Variants in NCALD observed in about 807,000 individuals in gnomAD.
NCALD encodes neurocalcin-delta.
In NCALD, 10 loss-of-function variants were observed where a neutral mutation model predicts 18.6. That is an observed-to-expected ratio of 0.54 (90% CI 0.33 to 0.91). The LOEUF (loss-of-function observed/expected upper bound fraction) is 0.91. Among genes scored for constraint, NCALD ranks in the 40% least tolerant of loss-of-function variants. NCALD has a pLI of 0.03. For missense variants in NCALD, 184 were observed against 247.6 expected (o/e 0.74, Z 1.72); for synonymous variants, 88 against 87.4 (o/e 1.01, Z -0.04).
chr8:101,902,185 A>C (rs990052533), intron 3 of NCALD, among the ~76,000 whole-genome samples: 1 of 151,664 alleles, frequency 6.6e-6, no homozygotes, highest in African/African-American at 2.4e-5. Flanking sequence ...ATCTATTGCT[A>C]AGATAGGGTA....
chr8:101,935,392 A>G (rs940215853), intron 2 of NCALD, among the ~76,000 whole-genome samples: 1 of 152,228 alleles, frequency 6.6e-6, no homozygotes, highest in African/African-American at 2.4e-5. Flanking sequence ...TTTAAGTAAG[A>G]TGTTAAAATA....
At chr8:101,823,800 C>A (rs1260369906) in intron 4 of NCALD, among the ~76,000 whole-genome samples, 1 of 152,180 alleles carries the variant, frequency 6.6e-6, no homozygotes, top group East Asian at 1.9e-4. Flanking sequence ...GACAACCACC[C>A]AGTGGCAGCA....
intron 1 of NCALD, among the ~76,000 whole-genome samples, chr8:101,745,365 A>T (rs1810385485): frequency 6.6e-6 from 1 of 152,092 alleles, no homozygotes; most frequent in Non-Finnish European, 1.5e-5. Context: ...AATGACTGAG[A>T]TGTAGGGGGA....
At chr8:102,070,430 T>C (rs529350339) in intron 1 of NCALD, among the ~76,000 whole-genome samples, 2 of 152,254 alleles carry the variant, frequency 1.3e-5, no homozygotes, top group Non-Finnish European at 2.9e-5. Flanking sequence ...TCTGTCACTT[T>C]CATTTTTTTC....
chr8:101,795,012 T>C (rs1200065426), upstream of NCALD, among the ~76,000 whole-genome samples: 6 of 152,162 alleles, frequency 3.9e-5, no homozygotes, highest in Non-Finnish European at 5.9e-5. Flanking sequence ...GAAAATAATC[T>C]AGTCAGAAAA....
chr8:101,813,412 T>C (rs984433983), intron 4 of NCALD, among the ~76,000 whole-genome samples: 1 of 152,088 alleles, frequency 6.6e-6, no homozygotes, highest in African/African-American at 2.4e-5. Flanking sequence ...TGGGCAAACA[T>C]GGGACAGCTT....
intron 4 of NCALD, among the ~76,000 whole-genome samples, chr8:101,866,158 T>C (rs1482130854): frequency 6.6e-6 from 1 of 152,220 alleles, no homozygotes; most frequent in Admixed American, 6.5e-5. Flanking sequence ...CTAAAGCCAA[T>C]GGTCAATTCT....
chr8:101,705,051 A>ATGTTGG (rs1815446178), intron 2 of NCALD, among the ~76,000 whole-genome samples: 1 of 150,930 alleles, frequency 6.6e-6, no homozygotes, highest in African/African-American at 2.4e-5. Context: ...ACATGATGAA[A>ATGTTGG]CCCCGTCTCA....
intron 1 of NCALD, among the ~76,000 whole-genome samples, chr8:101,787,758 A>T (rs1052660030): frequency 2.0e-5 from 3 of 152,202 alleles, no homozygotes; most frequent in Non-Finnish European, 2.9e-5. Flanking sequence ...AACATGCCTC[A>T]TCCTAGAGAC....
intron 1 of NCALD, among the ~76,000 whole-genome samples, chr8:102,057,011 C>A (rs1273176885): frequency 1.3e-5 from 2 of 152,138 alleles, no homozygotes; most frequent in Non-Finnish European, 2.9e-5. Context: ...TCACCAAGAG[C>A]CCTGACAGCT....
intron 2 of NCALD, among the ~76,000 whole-genome samples, chr8:102,007,477 C>G (rs1821753493): frequency 6.6e-6 from 1 of 152,138 alleles, no homozygotes; most frequent in Non-Finnish European, 1.5e-5. Flanking sequence ...AAGTACAGCT[C>G]TAAAGGACTT....
rs190934705 is a variant in NCALD, at chr8:102,120,146, T to C, written c.-210+4091A>G. Among the ~76,000 whole-genome samples the C allele has an allele frequency of 1.9e-3, 285 of 152,338 alleles. 2 individuals are homozygous for C. Among genetic ancestry groups the C allele is most frequent in the African/African-American group, 6.4e-3 (268 of 41,582 alleles). ...CCTTGAGCAAATTATTGCGTGCTTCTAACGCTGTTTCTCTTATCTATGAAG... is the reference window on the plus strand; with the variant it reads ...CCTTGAGCAAATTATTGCGTGCTTCCAACGCTGTTTCTCTTATCTATGAAG... On this transcript the variant is annotated intron_variant, in intron 1 of 6. Transcript: ENST00000311028.
chr8:101,855,428 A>C (rs1394285926), intron 4 of NCALD, among the ~76,000 whole-genome samples: 1 of 152,208 alleles, frequency 6.6e-6, no homozygotes, highest in African/African-American at 2.4e-5. Context: ...CTAAATGAGC[A>C]ACTCCAGAGA....
intron 4 of NCALD, among the ~76,000 whole-genome samples, chr8:101,849,000 T>C (rs576892954): frequency 6.6e-6 from 1 of 152,320 alleles, no homozygotes; most frequent in East Asian, 1.9e-4. Flanking sequence ...ATGTGGTACA[T>C]ATACACCATG....
At chr8:101,823,647 T>C (rs531686517) in intron 4 of NCALD, among the ~76,000 whole-genome samples, 5 of 152,298 alleles carry the variant, frequency 3.3e-5, no homozygotes, top group Admixed American at 3.3e-4. Flanking sequence ...CCAATGGACA[T>C]TACAGGTCTG....
At chr8:101,825,200 C>T (rs1355582985) in intron 4 of NCALD, among the ~76,000 whole-genome samples, 1 of 152,222 alleles carries the variant, frequency 6.6e-6, no homozygotes, top group African/African-American at 2.4e-5. Context: ...ATCCTCTGAG[C>T]AGAAGGTTGG....
intron 1 of NCALD, among the ~76,000 whole-genome samples, chr8:101,752,098 A>G (rs756575608): frequency 3.3e-5 from 5 of 152,150 alleles, no homozygotes; most frequent in African/African-American, 4.8e-5. Flanking sequence ...TCTCTTAAAT[A>G]TTTTGTATAA....
At chr8:101,985,422 T>C (rs914131783) in intron 2 of NCALD, among the ~76,000 whole-genome samples, 3 of 152,198 alleles carry the variant, frequency 2.0e-5, no homozygotes, top group African/African-American at 7.2e-5. Context: ...CAAGGGTGAT[T>C]TGTAATGCAG....
intron 2 of NCALD, among the ~76,000 whole-genome samples, chr8:101,709,309 C>A (rs1172010968): frequency 2.6e-5 from 4 of 152,204 alleles, no homozygotes; most frequent in Non-Finnish European, 5.9e-5. Flanking sequence ...TGTTCCCTGC[C>A]TCCAGACTCT....
Sources: allele counts gnomAD v4.1 joint callset (sites outside exome capture counted in the v4.1 genomes callset), GRCh38; gene constraint gnomAD v4.1.1; transcripts MANE v1.5; gene names NCBI Gene and HGNC (gene_info 2026-07-23, HGNC 2026-07-21).